The following LMAN2L variants were observed in gnomAD, a reference collection of about 807,000 sequenced individuals.
LMAN2L encodes lectin, mannose binding 2 like, also known as VIP36-like protein.
Under a neutral mutation model 44.3 loss-of-function variants are expected in LMAN2L, and 30 were observed. The ratio of observed to expected loss-of-function variants is 0.68; its 90% CI spans 0.51 to 0.92. The LOEUF is 0.92. LMAN2L is among the 40% of genes least tolerant of loss of function. The pLI, the probability that LMAN2L is intolerant of heterozygous loss-of-function variation, is 0.00. For missense variants in LMAN2L, 429 were observed against 446.1 expected (o/e 0.96, Z 0.35); for synonymous variants, 183 against 171.1 (o/e 1.07, Z -0.54).
chr2:96,733,802 G>T (rs965940057), intron 3 of LMAN2L, among the ~76,000 whole-genome samples: 2 of 152,208 alleles, frequency 1.3e-5, no homozygotes, highest in Non-Finnish European at 2.9e-5. Flanking sequence ...ATTGTTTGTT[G>T]TTGGAGGCAA....
At position 96,711,727 on chromosome 2, in the gene LMAN2L, A is replaced by G. The variant is rs368460835; in HGVS notation, c.713T>C (p.Ile238Thr). Residue 238 changes from isoleucine (I) to threonine (T), a missense_variant, in exon 6 of 8, where the codon ATT (isoleucine) becomes ACT (threonine). Transcript: ENST00000264963. ...IDGKHEWRDC[I>T]EVPGVRLPRG... ...GGGCAGGCGGACTCCGGGCACTTCA[A>G]TGCAGTCCCTCCACTCATGCTTGCC... The G allele has an allele frequency of 1.1e-5, 18 of 1,614,058 alleles. No individual in the cohort carries two copies. The highest frequency in any genetic ancestry group is 6.7e-5 in the Admixed American group (4 of 60,006).
intron 4 of LMAN2L, among the ~76,000 whole-genome samples, chr2:96,719,704 T>G (rs368190742): frequency 9.8e-5 from 15 of 152,290 alleles, no homozygotes; most frequent in East Asian, 7.7e-4. Context: ...CAAACAATTC[T>G]TCTGCCTCAG....
intron 4 of LMAN2L, 44 bp downstream of exon 4, chr2:96,733,475 G>A: frequency 7.1e-7 from 1 of 1,402,942 alleles, no homozygotes. Flanking sequence ...GCAAAGAACT[G>A]TGATGTCAGT....
At chr2:96,720,669 G>A (rs1033539436) in intron 4 of LMAN2L, among the ~76,000 whole-genome samples, 1 of 152,048 alleles carries the variant, frequency 6.6e-6, no homozygotes, top group African/African-American at 2.4e-5. Flanking sequence ...AGCCAGGCGC[G>A]GTGACTCACG....
At chr2:96,707,439 C>T (rs2153319267) in intron 7 of LMAN2L, 41 bp from the exon 8 acceptor site, 1 of 1,583,308 alleles carries the variant, frequency 6.3e-7, no homozygotes, top group South Asian at 1.1e-5. Flanking sequence ...AACAGGGAGC[C>T]CACCCAATAG....
chr2:96,737,625 T>C (rs988924634), intron 2 of LMAN2L, among the ~76,000 whole-genome samples: 1 of 152,126 alleles, frequency 6.6e-6, no homozygotes, highest in Non-Finnish European at 1.5e-5. Context: ...TGCACTCTGG[T>C]CTTCTTATAA....
Position 96,720,249 on chromosome 2 carries a change from C to G in LMAN2L, c.508-8224G>C, listed in dbSNP as rs536483915. 5.3e-5 allele frequency among the ~76,000 whole-genome samples: 8 copies of G among 152,230 alleles called. No homozygotes were observed. In the East Asian group the frequency reaches 1.2e-3, roughly 22 times the overall value. ...CCAGGGGTGAGGCCCAAACATCTCA[C>G]AGAAAAGAATGAAGGCCAAGACCGC... On this transcript the variant is annotated intron_variant, in intron 4 of 7. Coordinates refer to ENST00000264963, the MANE Select transcript of LMAN2L (RefSeq NM_030805.4).
intron 4 of LMAN2L, among the ~76,000 whole-genome samples, chr2:96,729,957 G>C (rs1032009903): frequency 1.3e-5 from 2 of 152,258 alleles, no homozygotes; most frequent in African/African-American, 4.8e-5. Context: ...CTGGGGTTGG[G>C]ACTGGATGTC....
Position 96,727,644 on chromosome 2 carries a change from G to A in LMAN2L, c.507+5875C>T, listed in dbSNP as rs77718600. On this transcript the variant is annotated intron_variant, in intron 4 of 7. Coordinates refer to ENST00000264963, the MANE Select transcript of LMAN2L (RefSeq NM_030805.4). The stretch of plus-strand genomic sequence containing the variant: ...TTTCTCATGAACAAATGTGGTAAGA[G>A]GTTGAGCAACAGGGTCATGTGGACT... 1.5e-3 allele frequency among the ~76,000 whole-genome samples: 229 copies of A among 152,326 alleles called. 6 individuals are homozygous for A. The East Asian group carries it at 0.039, about 26-fold the overall frequency.
At chr2:96,727,045 C>T (rs2078286456) in intron 4 of LMAN2L, among the ~76,000 whole-genome samples, 1 of 152,036 alleles carries the variant, frequency 6.6e-6, no homozygotes, top group Admixed American at 6.6e-5. Context: ...GATCACGCCA[C>T]TGCATTCCAG....
rs552252356 is a variant in LMAN2L, at chr2:96,706,379, T to G, written c.*877A>C. The G allele has an allele frequency of 6.6e-6, 1 of 152,334 alleles. No homozygotes were observed. Among genetic ancestry groups the G allele is most frequent in the South Asian group, 2.1e-4 (1 of 4,828 alleles). 9.4% of individuals were successfully genotyped at this position (152,334 alleles called of 1,614,324 possible). Reference sequence around the variant, plus strand: ...TAGCAAGTCCAGAAACATCTCCACATGGTCAGACCACATGACAAATGTTGC... The same window carrying G: ...TAGCAAGTCCAGAAACATCTCCACAGGGTCAGACCACATGACAAATGTTGC... On this transcript the variant is annotated 3_prime_UTR_variant, in exon 8 of 8. Coordinates refer to ENST00000264963, the MANE Select transcript of LMAN2L (RefSeq NM_030805.4).
At chr2:96,725,444 CT>C (rs998623420) in intron 4 of LMAN2L, among the ~76,000 whole-genome samples, 271 of 135,998 alleles carry the variant, frequency 2.0e-3, no homozygotes, top group Middle Eastern at 3.7e-3. Flanking sequence ...ATTAAATTTT[CT>C]TTTTTTTTTT....
At position 96,707,181 on chromosome 2, in the gene LMAN2L, T is replaced by C. The variant is rs1434509241; in HGVS notation, c.*75A>G. The C allele has an allele frequency of 7.0e-7, 1 of 1,420,652 alleles. No individual in the cohort carries two copies. The highest frequency in any genetic ancestry group is 1.4e-5 in the African/African-American group (1 of 70,158). 88.0% of individuals were successfully genotyped at this position (1,420,652 alleles called of 1,614,324 possible). ...CTAGAGACAAGAACACTCTCCAGGC[T>C]GCATGCTCAGGCCAGTGCCTGCTCC... On this transcript the variant is annotated 3_prime_UTR_variant, in exon 8 of 8. Coordinates refer to ENST00000264963, the MANE Select transcript of LMAN2L (RefSeq NM_030805.4).
intron 1 of LMAN2L, among the ~76,000 whole-genome samples, chr2:96,739,201 C>A (rs1257147980): frequency 6.6e-6 from 1 of 152,186 alleles, no homozygotes; most frequent in South Asian, 2.1e-4. Context: ...TAAATGATTA[C>A]CCTTAGTAGT....
At chr2:96,739,505 T>C (rs2153338579) in intron 1 of LMAN2L, among the ~76,000 whole-genome samples, 2 of 152,280 alleles carry the variant, frequency 1.3e-5, no homozygotes, top group Middle Eastern at 3.4e-3. Context: ...TTCTAGCACA[T>C]CCACAGGTCC....
At chr2:96,719,791 A>G (rs1008329222) in intron 4 of LMAN2L, among the ~76,000 whole-genome samples, 1 of 152,084 alleles carries the variant, frequency 6.6e-6, no homozygotes, top group Admixed American at 6.6e-5. Context: ...ACAGGGTTTC[A>G]CCATGTTGGC....
intron 4 of LMAN2L, among the ~76,000 whole-genome samples, chr2:96,731,793 A>G (rs1055011973): frequency 1.3e-5 from 2 of 151,752 alleles, no homozygotes; most frequent in African/African-American, 2.4e-5. Flanking sequence ...TCTGTTGCCC[A>G]GGCTGGAGTG....
chr2:96,723,246 T>C (rs1177483502), intron 4 of LMAN2L, among the ~76,000 whole-genome samples: 1 of 152,164 alleles, frequency 6.6e-6, no homozygotes, highest in African/African-American at 2.4e-5. Flanking sequence ...TTCTAGCGGG[T>C]GTAAAGTAGT....
chr2:96,730,000 T>C (rs1459848182), intron 4 of LMAN2L, among the ~76,000 whole-genome samples: 1 of 152,270 alleles, frequency 6.6e-6, no homozygotes, highest in African/African-American at 2.4e-5. Context: ...GGAATTACAA[T>C]GTGCACTTGG....
Sources: gnomAD v4.1 joint callset for allele counts (sites outside exome capture counted in the v4.1 genomes callset) on GRCh38, gnomAD v4.1.1 for gene constraint, MANE v1.5 for transcripts, NCBI Gene and HGNC (gene_info 2026-07-23, HGNC 2026-07-21) for gene names.